Variants in BORA observed in about 807,000 individuals in gnomAD.
BORA encodes the protein BORA aurora kinase A activator.
Under a neutral mutation model 55.8 loss-of-function variants are expected in BORA, and 26 were observed. The ratio of observed to expected loss-of-function variants is 0.47; its 90% confidence interval spans 0.34 to 0.65. The LOEUF (loss-of-function observed/expected upper bound fraction) is 0.65. Ranked by LOEUF, BORA falls within the 30% of genes least tolerant of loss-of-function variation. The pLI, the probability that BORA is intolerant of heterozygous loss-of-function variation, is 0.01. For synonymous variants in BORA, 201 were observed against 216.9 expected, an observed-to-expected ratio of 0.93 and a Z score of 0.64; for missense variants, 568 against 671.5, an observed-to-expected ratio of 0.85 and a Z score of 1.70.
At chr13:72,738,099 C>T in intron 5 of BORA, 56 bp downstream of exon 5, 1 of 1,305,762 alleles carries the variant, frequency 7.7e-7, no homozygotes, top group South Asian at 1.3e-5. Flanking sequence ...GAATATAAAG[C>T]AACATATCAT....
At chr13:72,752,382 G>A (rs540367387) in intron 10 of BORA, 3 of 152,156 alleles carry the variant, frequency 2.0e-5, no homozygotes, top group African/African-American at 7.2e-5. Context: ...GTCTAGATGA[G>A]AGACAGTGAA....
rs775278552 is a variant in BORA, at chr13:72,737,943, A to G, written c.307-19A>G. On this transcript the variant is annotated intron_variant, in intron 4 of 11. Transcript: ENST00000390667. ...TTGGGTGGAATTTATGCCTAATTGT[A>G]TGACTTTAATTTTCCTAGTTTTTCA... The G allele has an allele frequency of 2.6e-6, 4 of 1,526,134 alleles. No individual in the cohort carries two copies. The highest frequency in any genetic ancestry group is 2.7e-5 in the African/African-American group (2 of 72,952). The allele number at this position is 1,526,134 out of a possible 1,614,324, so 94.5% of individuals were successfully genotyped here.
intron 5 of BORA, 60 bp downstream of exon 5, chr13:72,738,103 A>G (rs2032967654): frequency 7.8e-7 from 1 of 1,274,884 alleles, no homozygotes; most frequent in Non-Finnish European, 1.1e-6. Flanking sequence ...ATAAAGCAAC[A>G]TATCATGAAG....
intron 5 of BORA, 56 bp from the exon 6 acceptor site, chr13:72,743,481 G>C: frequency 7.8e-7 from 1 of 1,290,240 alleles, no homozygotes; most frequent in Non-Finnish European, 1.1e-6. Context: ...AAAAAGTAAT[G>C]CTAAAGCAAA....
At chr13:72,734,855 C>T (rs2032886528) in intron 3 of BORA, 105 bp from the exon 4 acceptor site, 2 of 761,262 alleles carry the variant, frequency 2.6e-6, no homozygotes, top group African/African-American at 1.8e-5. Flanking sequence ...TTAACATTTG[C>T]CAGTTTTCAA....
intron 4 of BORA, among the ~76,000 whole-genome samples, chr13:72,736,993 A>G (rs1388443281): frequency 1.3e-5 from 2 of 151,940 alleles, no homozygotes; most frequent in East Asian, 1.9e-4. Flanking sequence ...TAAAAAAAAA[A>G]AAAAAAAGAA....
chr13:72,744,008 AT>A (rs2033090608), intron 6 of BORA, among the ~76,000 whole-genome samples: 2 of 152,128 alleles, frequency 1.3e-5, no homozygotes, highest in African/African-American at 4.8e-5. Flanking sequence ...AAGTGCTAGG[AT>A]TACAGGCATG....
In BORA at chr13:72,755,456, G is replaced by C; in HGVS notation, c.*240G>C. ...ATAAATATTTTTATACTTACATTGA[G>C]TGATGTGTTTAACAACAAATTGTGA... On this transcript the variant is annotated 3_prime_UTR_variant, in exon 12 of 12. Coordinates refer to ENST00000390667, the MANE Select transcript of BORA (RefSeq NM_024808.5). 1 of 483,432 alleles carries C rather than the reference G, an allele frequency of 2.1e-6. No homozygotes were observed. The highest frequency in any genetic ancestry group is 3.7e-6 in the Non-Finnish European group (1 of 273,874). The allele number at this position is 483,432 out of a possible 1,614,324, so 29.9% of individuals were successfully genotyped here.
At chr13:72,738,507 A>G (rs2032977408) in intron 5 of BORA, among the ~76,000 whole-genome samples, 2 of 152,206 alleles carry the variant, frequency 1.3e-5, no homozygotes, top group South Asian at 4.1e-4. Flanking sequence ...TGCAAAATTA[A>G]TAAGGAAATT....
At chr13:72,745,703 T>C (rs1184873492) in intron 8 of BORA, among the ~76,000 whole-genome samples, 1 of 152,208 alleles carries the variant, frequency 6.6e-6, no homozygotes, top group Non-Finnish European at 1.5e-5. Context: ...GGTTGCTTAG[T>C]GTGAAACTTA....
At position 72,740,600 on chromosome 13, in the gene BORA, CAGCCCTTAAGTGTAAAG is replaced by C. The variant is rs571568042; in HGVS notation, c.388+2558_388+2574del. On this transcript the variant is annotated intron_variant, in intron 5 of 11. Coordinates refer to ENST00000390667, the MANE Select transcript of BORA (RefSeq NM_024808.5). ...GATGCTACTTTAGGGCCAAGGTTGG[CAGCCCTTAAGTGTAAAG>C]GATTCAATAATAAATACTTAAGCCT... is the stretch of plus-strand genomic sequence containing the variant. Among the ~76,000 whole-genome samples the C allele has an allele frequency of 3.9e-5, 6 of 152,278 alleles. No homozygotes were observed. In the South Asian group the frequency reaches 1.2e-3, roughly 32 times the overall value.
intron 4 of BORA, among the ~76,000 whole-genome samples, chr13:72,737,658 T>TC (rs907242022): frequency 1.3e-4 from 20 of 152,240 alleles, no homozygotes; most frequent in African/African-American, 4.8e-4. Flanking sequence ...TCCCTTTTCA[T>TC]CCTTTTTTTT....
rs771539524 is a variant in BORA, at chr13:72,747,004, A to G, written c.1375A>G (p.Met459Val). The G allele has an allele frequency of 1.7e-5, 27 of 1,614,010 alleles. 1 individual carries two copies. In the Admixed American group the frequency reaches 4.3e-4, roughly 26 times the overall value. ...GCCGGTTGATAATGGCAGTTTACCC[A>G]TGACTGATTTTGTAAGTGGCATTGC... ...KEPVDNGSLP[M>V]TDFVSGIAFS... is the part of the protein sequence containing the mutation. The change falls in exon 10 of 12, where the codon ATG (methionine) becomes GTG (valine). Residue 459 changes from methionine to valine, a missense_variant. Transcript: ENST00000390667.
Position 72,746,681 on chromosome 13 carries a change from T to A in BORA, c.1052T>A (p.Ile351Lys), listed in dbSNP as rs373329255. ...GTQYRTSVIQ[I>K]PFTLETQGED... is the part of the protein sequence containing the mutation. ...CAGTATCGGACCTCAGTGATTCAGA[T>A]ACCTTTTACTCTTGAGACTCAAGGT... The change falls in exon 10 of 12, where the codon ATA becomes AAA. Residue 351 changes from isoleucine (I) to lysine (K), a missense_variant. Physicochemically the swap from Ile to Lys is moderately radical, Grantham distance 102. Transcript: ENST00000390667. 1 of 1,614,120 alleles carries A rather than the reference T, an allele frequency of 6.2e-7. No individual in the cohort carries two copies.
chr13:72,746,559 G>A lies in BORA; in HGVS notation c.930G>A (p.Gly310=). Residue 310 remains glycine (G), a synonymous_variant, in exon 10 of 12, where the codon GGG becomes GGA. Transcript: ENST00000390667. ...CTTCATCTGGAACAAATTCTAATGGGATAACTAATCCGTGTATCAGAAGTC... is the reference window on the plus strand; with the variant it reads ...CTTCATCTGGAACAAATTCTAATGGAATAACTAATCCGTGTATCAGAAGTC... ...PDASSGTNSN[G]ITNPCIRSPY... The A allele has an allele frequency of 2.5e-6, 4 of 1,613,966 alleles. No individual in the cohort carries two copies. The highest frequency in any genetic ancestry group is 3.4e-6 in the Non-Finnish European group (4 of 1,179,898).
Position 72,756,035 on chromosome 13 carries a change from T to A in BORA, c.*819T>A, listed in dbSNP as rs2138128076. The stretch of plus-strand genomic sequence containing the variant: ...GAAGTAACACTGGGGCAGATATGTA[T>A]GTTATATACAACTATTTTTTTAAAA... On this transcript the variant is annotated 3_prime_UTR_variant, in exon 12 of 12. Coordinates refer to ENST00000390667, the MANE Select transcript of BORA (RefSeq NM_024808.5). 2.5e-6 allele frequency: 1 copy of A among 398,496 alleles called. No homozygotes were observed. Among genetic ancestry groups the A allele is most frequent in the East Asian group, 3.6e-5 (1 of 28,072 alleles). 24.7% of individuals were successfully genotyped at this position (398,496 alleles called of 1,614,324 possible). A position where few individuals can be genotyped will look rare whatever the true frequency, so the allele number is the denominator to read the frequency against.
chr13:72,743,602 G>GGTGA lies in BORA; in HGVS notation c.454+3_454+6dup, dbSNP rs10648315. On this transcript the variant is annotated frameshift_variant and splice_region_variant. Transcript: ENST00000390667. LOFTEE classifies it high-confidence loss of function. ...GACCATTCATTCTGAGAAAAGCGAT[G>GGTGA]GTGAGTATGAACACAATTTGAAAAG... is the stretch of plus-strand genomic sequence containing the variant. 49,673 of 1,606,100 alleles carry GGTGA rather than the reference G, an allele frequency of 0.031. 5,592 individuals are homozygous for GGTGA. In the African/African-American group the frequency reaches 0.37, roughly 12 times the overall value.
chr13:72,749,972 A>G (rs2033232438), intron 10 of BORA, among the ~76,000 whole-genome samples: 1 of 152,156 alleles, frequency 6.6e-6, no homozygotes, highest in African/African-American at 2.4e-5. Context: ...CCCAGTGCTT[A>G]TTAAAAAGAA....
At chr13:72,742,767 TACACACACAC>T (rs67866253) in intron 5 of BORA, among the ~76,000 whole-genome samples, 72,692 of 141,318 alleles carry the variant, frequency 0.51, 19,642 homozygotes, top group South Asian at 0.69. Flanking sequence ...TATATATATA[TACACACACAC>T]ACACACACAC....
Sources: allele counts gnomAD v4.1 joint callset (sites outside exome capture counted in the v4.1 genomes callset), GRCh38; gene constraint gnomAD v4.1.1; transcripts MANE v1.5; gene names NCBI Gene and HGNC (gene_info 2026-07-23, HGNC 2026-07-21).